P2RY12: variants seen among roughly 807,000 people sequenced by gnomAD.
P2RY12 encodes the protein purinergic receptor P2Y12, also known as P2Y purinoceptor 12.
In P2RY12, 3 loss-of-function variants were observed where a neutral mutation model predicts 4.5. The ratio of observed to expected loss-of-function variants is 0.67; its 90% CI spans 0.31 to 1.74. P2RY12 has a LOEUF of 1.74. P2RY12 is among the 40% of genes most tolerant of loss of function. The pLI is 0.09. For missense variants in P2RY12, 356 were observed against 407.8 expected, an observed-to-expected ratio of 0.87 and a Z score of 1.09; for synonymous variants, 148 against 154.1, an observed-to-expected ratio of 0.96 and a Z score of 0.29.
intron 1 of P2RY12, among the ~76,000 whole-genome samples, chr3:151,346,583 A>G (rs1038599858): frequency 7.9e-5 from 12 of 152,168 alleles, no homozygotes; most frequent in Non-Finnish European, 1.5e-4. Context: ...ACCTCACTGG[A>G]CGTTGTCAGT....
In P2RY12 at chr3:151,368,586, A is replaced by ATTTAT. The variant is rs71637017; in HGVS notation, c.-180+16101_-180+16105dup. Among the ~76,000 whole-genome samples the ATTTAT allele has an allele frequency of 8.9e-4, 107 of 120,784 alleles. 2 individuals are homozygous for ATTTAT. The highest frequency in any genetic ancestry group is 1.1e-3 in the African/African-American group (36 of 32,274). 79.2% of individuals were successfully genotyped at this position (120,784 alleles called of 152,430 possible). On this transcript the variant is annotated intron_variant, in intron 1 of 2. Coordinates refer to ENST00000302632, the MANE Select transcript of P2RY12 (RefSeq NM_022788.5). The stretch of plus-strand genomic sequence containing the variant: ...ATCACAGCAGCTTAGGGCAATGGTG[A>ATTTAT]TTTATTTTATTTTATTTTATTTTAT...
At position 151,337,154 on chromosome 3, in the gene P2RY12, C is replaced by T. The variant is rs1751111430; in HGVS notation, c.*663G>A. On this transcript the variant is annotated 3_prime_UTR_variant, in exon 3 of 3. Coordinates refer to ENST00000302632, the MANE Select transcript of P2RY12 (RefSeq NM_022788.5). ...TTAGAATGTCATAAAAGTAAGTCTC[C>T]TTATTTTAATGACTTCGATATTTCT... is the stretch of plus-strand genomic sequence containing the variant. 1.3e-5 allele frequency: 2 copies of T among 151,924 alleles called. No homozygotes were observed. The highest frequency in any genetic ancestry group is 2.9e-5 in the Non-Finnish European group (2 of 67,960). 9.4% of individuals were successfully genotyped at this position (151,924 alleles called of 1,614,324 possible). A position where few individuals can be genotyped will look rare whatever the true frequency, so the allele number is the denominator to read the frequency against.
chr3:151,369,871 G>A (rs1484677118), intron 1 of P2RY12, among the ~76,000 whole-genome samples: 1 of 152,124 alleles, frequency 6.6e-6, no homozygotes, highest in East Asian at 1.9e-4. Flanking sequence ...ATCACACTTT[G>A]TGAGAGACAG....
chr3:151,352,394 T>C (rs1753344097), intron 1 of P2RY12, among the ~76,000 whole-genome samples: 1 of 152,214 alleles, frequency 6.6e-6, no homozygotes, highest in Non-Finnish European at 1.5e-5. Context: ...TCTTTCATTT[T>C]AGATAAAGTT....
chr3:151,344,845 G>A (rs1233499540), intron 1 of P2RY12, among the ~76,000 whole-genome samples: 1 of 152,200 alleles, frequency 6.6e-6, no homozygotes, highest in Non-Finnish European at 1.5e-5. Flanking sequence ...CAGAAAATGT[G>A]AGTAAGGTGA....
chr3:151,368,215 C>T lies in P2RY12; in HGVS notation c.-180+16477G>A. On this transcript the variant is annotated intron_variant, in intron 1 of 2. Coordinates refer to ENST00000302632, the MANE Select transcript of P2RY12 (RefSeq NM_022788.5). ...ATGCCGACTCTTGCTTCATCTCTTC[C>T]GAGCTCCCCAGGCCTGCTTCTTACC... The T allele has an allele frequency of 1.2e-6, 2 of 1,614,086 alleles. No homozygotes were observed. Among genetic ancestry groups the T allele is most frequent in the Admixed American group, 1.7e-5 (1 of 60,010 alleles).
At chr3:151,378,285 T>C (rs1310694758) in intron 1 of P2RY12, 2 of 1,135,280 alleles carry the variant, frequency 1.8e-6, no homozygotes, top group African/African-American at 3.2e-5. Flanking sequence ...AATTTAGTTT[T>C]TAAATGGAAC....
At chr3:151,349,685 G>C (rs557758414) in intron 1 of P2RY12, among the ~76,000 whole-genome samples, 2 of 152,236 alleles carry the variant, frequency 1.3e-5, no homozygotes, top group East Asian at 3.9e-4. Context: ...CTTATGAAGA[G>C]ATAACATTTT....
intron 2 of P2RY12, 105 bp downstream of exon 2, chr3:151,340,491 A>G (rs1219286753): frequency 6.6e-6 from 1 of 152,622 alleles, no homozygotes; most frequent in African/African-American, 2.4e-5. Context: ...GCTTGCATTG[A>G]TAGTTATTAA....
intron 1 of P2RY12, among the ~76,000 whole-genome samples, chr3:151,344,518 T>G (rs914510391): frequency 2.6e-5 from 4 of 152,166 alleles, no homozygotes; most frequent in Non-Finnish European, 4.4e-5. Flanking sequence ...AGCTAAAAAT[T>G]TTAACTAAAT....
chr3:151,382,687 A>T (rs753742161), intron 1 of P2RY12: 11 of 1,612,554 alleles, frequency 6.8e-6, no homozygotes, highest in Non-Finnish European at 9.3e-6. Context: ...GAACGATACC[A>T]AGATGACATA....
At chr3:151,361,600 T>C (rs1375675527) in intron 1 of P2RY12, among the ~76,000 whole-genome samples, 1 of 152,178 alleles carries the variant, frequency 6.6e-6, no homozygotes, top group Non-Finnish European at 1.5e-5. Context: ...TCCAGAAAGT[T>C]GTATTTTTAT....
chr3:151,356,603 G>C (rs2150055817), intron 1 of P2RY12, among the ~76,000 whole-genome samples: 1 of 152,026 alleles, frequency 6.6e-6, no homozygotes. Context: ...AAAAATGTGA[G>C]AGTTTTGAGT....
intron 1 of P2RY12, chr3:151,377,053 G>A: frequency 6.2e-7 from 1 of 1,614,048 alleles, no homozygotes; most frequent in Non-Finnish European, 8.5e-7. Context: ...CAACAATAGA[G>A]GTATTCCAGC....
At chr3:151,348,573 CTT>C (rs542135245) in intron 1 of P2RY12, among the ~76,000 whole-genome samples, 41 of 132,246 alleles carry the variant, frequency 3.1e-4, no homozygotes, top group Admixed American at 3.1e-4. Flanking sequence ...CTCCTAGCTT[CTT>C]TTTTTTTTTT....
chr3:151,370,191 A>G lies in P2RY12; in HGVS notation c.-180+14501T>C, dbSNP rs938272650. On this transcript the variant is annotated intron_variant, in intron 1 of 2. Transcript: ENST00000302632. ...ATAGCACTGCCTTTTCTCTTCATTT[A>G]CAGGGTAATACATTAAAACATTATT... Among the ~76,000 whole-genome samples the G allele has an allele frequency of 4.6e-5, 7 of 152,306 alleles. No homozygotes were observed. The East Asian group carries it at 1.2e-3, about 25-fold the overall frequency.
chr3:151,377,158 T>A (rs1270997032), intron 1 of P2RY12: 1 of 1,611,984 alleles, frequency 6.2e-7, no homozygotes, highest in Non-Finnish European at 8.5e-7. Flanking sequence ...CGAGACAGAA[T>A]GGAATAAAGA....
At chr3:151,340,325 A>C (rs1316666173) in intron 2 of P2RY12, among the ~76,000 whole-genome samples, 2 of 152,122 alleles carry the variant, frequency 1.3e-5, no homozygotes, top group Non-Finnish European at 2.9e-5. Flanking sequence ...TCTGTATTTA[A>C]ATCTCATTTT....
At chr3:151,343,034 A>G (rs1027939161) in intron 1 of P2RY12, among the ~76,000 whole-genome samples, 2 of 151,950 alleles carry the variant, frequency 1.3e-5, no homozygotes, top group Non-Finnish European at 2.9e-5. Context: ...GTATTTGTGT[A>G]TTTCTGTACC....
Sources: allele counts gnomAD v4.1 joint callset (sites outside exome capture counted in the v4.1 genomes callset), GRCh38; gene constraint gnomAD v4.1.1; transcripts MANE v1.5; gene names NCBI Gene and HGNC (gene_info 2026-07-23, HGNC 2026-07-21).